The following LIPA variants were observed in gnomAD, a reference collection of about 807,000 sequenced individuals.
LIPA encodes lysosomal acid lipase/cholesteryl ester hydrolase.
In LIPA, 26 loss-of-function variants were observed where a neutral mutation model predicts 40.6. The ratio of observed to expected loss-of-function variants is 0.64; its 90% CI spans 0.47 to 0.89. The LOEUF (loss-of-function observed/expected upper bound fraction) is 0.89, where lower values mean the gene tolerates loss of function less well. LIPA is among the 40% of genes least tolerant of loss of function. LIPA has a pLI of 0.00. For missense variants in LIPA, 455 were observed against 479.6 expected, an observed-to-expected ratio of 0.95 and a Z score of 0.48; for synonymous variants, 188 against 168.4, an observed-to-expected ratio of 1.12 and a Z score of -0.90.
rs901172492 is a variant in LIPA, at chr10:89,213,832, A to C, written c.*996T>G. On this transcript the variant is annotated 3_prime_UTR_variant, in exon 10 of 10. Transcript: ENST00000336233. ...GCAGGTGTATTAAAAATAAGGATGC[A>C]TATAAAACTAAGACACAAAATGAAT... 6.6e-6 allele frequency: 1 copy of C among 152,244 alleles called. No homozygotes were observed. Among genetic ancestry groups the C allele is most frequent in the Non-Finnish European group, 1.5e-5 (1 of 68,046 alleles). The allele number at this position is 152,244 out of a possible 1,614,324, so 9.4% of individuals were successfully genotyped here. A position where few individuals can be genotyped will look rare whatever the true frequency, so the allele number is the denominator to read the frequency against.
intron 1 of LIPA, chr10:89,293,679 T>TGAGAGAGAGAGAGAGAGAGAGAGA (rs72229492): frequency 3.4e-5 from 5 of 145,104 alleles, no homozygotes; most frequent in African/African-American, 1.3e-4. Flanking sequence ...CTGTGTGAGA[T>TGAGAGAGAGAGAGAGAGAGAGAGA]GAGAGAGAGA....
At position 89,363,079 on chromosome 10, in the gene LIPA, A is replaced by G. The variant is rs543528167; in HGVS notation, c.61+49712T>C. The G allele has an allele frequency of 6.2e-3, 1,413 of 226,298 alleles. 7 individuals are homozygous for G. Among genetic ancestry groups the G allele is most frequent in the Middle Eastern group, 0.017 (25 of 1,508 alleles). The allele number at this position is 226,298 out of a possible 1,614,324, so 14.0% of individuals were successfully genotyped here. A position where few individuals can be genotyped will look rare whatever the true frequency, so the allele number is the denominator to read the frequency against. The stretch of plus-strand genomic sequence containing the variant: ...ACCTATGTTTTTCTATATGCAGCCC[A>G]GTTTTATCAAAGAAGAGGCAATATA... On this transcript the variant is annotated intron_variant, in intron 2 of 8. Coordinates refer to the LIPA transcript ENST00000371837.
At chr10:89,300,378 AT>A (rs1285804225) in intron 1 of LIPA, among the ~76,000 whole-genome samples, 8 of 152,344 alleles carry the variant, frequency 5.3e-5, no homozygotes, top group African/African-American at 1.9e-4. Flanking sequence ...CTTAGCAACA[AT>A]ATTATGTATA....
chr10:89,391,176 A>T (rs1376920928), intron 2 of LIPA, among the ~76,000 whole-genome samples: 1 of 152,164 alleles, frequency 6.6e-6, no homozygotes, highest in Non-Finnish European at 1.5e-5. Context: ...TTAAAAGACA[A>T]AGTAGGTAGG....
Position 89,402,835 on chromosome 10 carries a change from G to A in LIPA, c.61+9956C>T, listed in dbSNP as rs141052988. On this transcript the variant is annotated intron_variant, in intron 2 of 8. Transcript: ENST00000371837. Reference sequence around the variant, plus strand: ...GCTGGGTATGCGATCTCTGCCTATCGCCTGGATGGCTTTAAATTAGCCACA... The same window carrying A: ...GCTGGGTATGCGATCTCTGCCTATCACCTGGATGGCTTTAAATTAGCCACA... 9.7e-4 allele frequency: 1,567 copies of A among 1,614,024 alleles called. 1 individual carries two copies. The highest frequency in any genetic ancestry group is 1.1e-3 in the Non-Finnish European group (1,268 of 1,180,028).
At chr10:89,350,425 C>T (rs1843951687) in intron 2 of LIPA, among the ~76,000 whole-genome samples, 1 of 152,050 alleles carries the variant, frequency 6.6e-6, no homozygotes, top group Non-Finnish European at 1.5e-5. Context: ...CCTGCCTCAG[C>T]CTCCCGAGTA....
chr10:89,354,857 T>C (rs566325570), intron 2 of LIPA, among the ~76,000 whole-genome samples: 1 of 152,280 alleles, frequency 6.6e-6, no homozygotes, highest in South Asian at 2.1e-4. Context: ...TGCACCACCA[T>C]GCCCGGTGTA....
chr10:89,257,149 A>T (rs1430833686), intron 1 of LIPA, among the ~76,000 whole-genome samples: 1 of 152,254 alleles, frequency 6.6e-6, no homozygotes, highest in Non-Finnish European at 1.5e-5. Context: ...GTTGCTGAAT[A>T]GACATCCTTG....
At chr10:89,389,632 T>C (rs1251568692) in intron 2 of LIPA, among the ~76,000 whole-genome samples, 3 of 152,212 alleles carry the variant, frequency 2.0e-5, no homozygotes, top group Non-Finnish European at 2.9e-5. Context: ...TAAGTTGTGA[T>C]TGGATATTTG....
chr10:89,228,191 C>A lies in LIPA; in HGVS notation c.428+9G>T, dbSNP rs376015823. On this transcript the variant is annotated intron_variant, in intron 4 of 9. Coordinates refer to ENST00000336233, the MANE Select transcript of LIPA (RefSeq NM_000235.4). ...AAATACATCCATGCCATTATCAATT[C>A]ATATATACCTGAAAGCCCAGAATTC... 2 of 1,609,792 alleles carry A rather than the reference C, an allele frequency of 1.2e-6. No individual in the cohort carries two copies. The highest frequency in any genetic ancestry group is 2.7e-5 in the African/African-American group (2 of 74,828).
At chr10:89,376,187 T>TAA (rs66954730) in intron 2 of LIPA, among the ~76,000 whole-genome samples, 2,454 of 102,440 alleles carry the variant, frequency 0.024, 67 homozygotes, top group East Asian at 0.074. Flanking sequence ...GACTCTATCT[T>TAA]AAAAAAAAAA....
chr10:89,343,239 G>C (rs1396682901), upstream of LIPA, among the ~76,000 whole-genome samples: 1 of 152,196 alleles, frequency 6.6e-6, no homozygotes, highest in Admixed American at 6.5e-5. Flanking sequence ...TTTGTGCTTA[G>C]GTTCCATGAA....
intron 2 of LIPA, chr10:89,384,291 A>T (rs1471909737): frequency 3.1e-6 from 5 of 1,614,192 alleles, no homozygotes; most frequent in East Asian, 4.5e-5. Context: ...AATTGGCTAT[A>T]TGCAAATTTG....
chr10:89,332,733 A>T, intron 1 of LIPA: 2 of 1,168,344 alleles, frequency 1.7e-6, no homozygotes, highest in Non-Finnish European at 2.6e-6. Context: ...CATTTATCTA[A>T]TTCAAGCATA....
intron 1 of LIPA, among the ~76,000 whole-genome samples, chr10:89,413,776 AAAAAAACC>A (rs1385257713): frequency 2.0e-4 from 30 of 149,454 alleles, no homozygotes; most frequent in Admixed American, 1.9e-3. Context: ...CAAAAAAAAA[AAAAAAACC>A]AAAATCAATG....
At chr10:89,296,489 CAAA>C (rs750487920) in intron 1 of LIPA, among the ~76,000 whole-genome samples, 3 of 102,988 alleles carry the variant, frequency 2.9e-5, no homozygotes, top group Non-Finnish European at 3.9e-5. Context: ...GAGACTGTCT[CAAA>C]AAAAAAAAAA....
intron 2 of LIPA, among the ~76,000 whole-genome samples, chr10:89,375,073 G>T (rs1844112628): frequency 6.6e-6 from 1 of 152,174 alleles, no homozygotes; most frequent in African/African-American, 2.4e-5. Context: ...CACAGATAAG[G>T]GGACTTGTCC....
chr10:89,242,413 A>G (rs1564762716), intron 3 of LIPA, among the ~76,000 whole-genome samples: 1 of 152,258 alleles, frequency 6.6e-6, no homozygotes, highest in East Asian at 1.9e-4. Flanking sequence ...TCACATCATT[A>G]TAGCTAAGCT....
chr10:89,335,717 T>C (rs1014460846), intron 1 of LIPA, among the ~76,000 whole-genome samples: 7 of 152,194 alleles, frequency 4.6e-5, no homozygotes, highest in Non-Finnish European at 1.0e-4. Flanking sequence ...GGCACCCATA[T>C]GTACCTACAA....
Sources: allele counts gnomAD v4.1 joint callset (sites outside exome capture counted in the v4.1 genomes callset), GRCh38; gene constraint gnomAD v4.1.1; transcripts MANE v1.5; gene names NCBI Gene and HGNC (gene_info 2026-07-23, HGNC 2026-07-21).